The following CUX2 variants were observed in gnomAD, a reference collection of about 807,000 sequenced individuals.
CUX2 encodes the protein homeobox protein cut-like 2.
A neutral mutation model predicts 144.8 loss-of-function variants in CUX2; 40 were observed. The ratio of observed to expected loss-of-function variants is 0.28; its 90% CI spans 0.21 to 0.36. The LOEUF (loss-of-function observed/expected upper bound fraction) is 0.36. CUX2 is among the 10% of genes least tolerant of loss of function. The pLI, the probability that CUX2 is intolerant of heterozygous loss-of-function variation, is 1.00. For synonymous variants in CUX2, 827 were observed against 875.6 expected (o/e 0.94, Z 0.98); for missense variants, 1,615 against 1,994.0 (o/e 0.81, Z 3.62).
chr12:111,315,877 A>G (rs1228821471), intron 16 of CUX2, among the ~76,000 whole-genome samples: 1 of 152,180 alleles, frequency 6.6e-6, no homozygotes, highest in African/African-American at 2.4e-5. Context: ...AAGAAAAAAA[A>G]CACTCATGTT....
At chr12:111,114,184 C>G (rs1023096866) in intron 1 of CUX2, among the ~76,000 whole-genome samples, 1 of 152,124 alleles carries the variant, frequency 6.6e-6, no homozygotes, top group Non-Finnish European at 1.5e-5. Flanking sequence ...AGTGGCTGTA[C>G]CATTTTGCAT....
In CUX2 at chr12:111,322,417, G is replaced by T; in HGVS notation, c.2767-4G>T. ...GACCTACCCCCCTGGCCCGCCCCTC[G>T]CAGGTGCTGGGCCTGTCACAGGGCA... is the stretch of plus-strand genomic sequence containing the variant. On this transcript the variant is annotated splice_region_variant and splice_polypyrimidine_tract_variant and intron_variant, in intron 17 of 21. Transcript: ENST00000261726. This position sits in a 1 kb window ranked among gnomAD's most constrained non-coding sequence, Gnocchi z 4.2. The T allele has an allele frequency of 6.5e-7, 1 of 1,541,432 alleles. No homozygotes were observed. Among genetic ancestry groups the T allele is most frequent in the Non-Finnish European group, 8.8e-7 (1 of 1,141,560 alleles).
chr12:111,162,875 A>G (rs1877870754), intron 1 of CUX2, among the ~76,000 whole-genome samples: 1 of 151,990 alleles, frequency 6.6e-6, no homozygotes, highest in Non-Finnish European at 1.5e-5. Context: ...GTGAAACCCC[A>G]TCTCTAATAA....
At chr12:111,282,625 TAAAAAAAAA>T (rs3061123) in intron 4 of CUX2, among the ~76,000 whole-genome samples, 3 of 105,038 alleles carry the variant, frequency 2.9e-5, no homozygotes, top group African/African-American at 6.6e-5. Context: ...AAACTCCATC[TAAAAAAAAA>T]AAAAAAAAAA....
At chr12:111,347,481 A>G in intron 21 of CUX2, 43 bp from the exon 22 acceptor site, 1 of 1,522,894 alleles carries the variant, frequency 6.6e-7, no homozygotes, top group South Asian at 1.3e-5. Context: ...AGGGTTTGGG[A>G]GTCCCCTGTC....
chr12:111,265,162 A>G lies in CUX2; in HGVS notation c.301+1323A>G, dbSNP rs61944361. Among the ~76,000 whole-genome samples, 1,489 of 152,178 alleles carry G rather than the reference A, an allele frequency of 9.8e-3. 49 individuals carry two copies. Among genetic ancestry groups the G allele is most frequent in the Non-Finnish European group, 6.4e-3 (434 of 67,996 alleles). ...GGTTTCAAACACTTGAAGGGGGCCA[A>G]GAGTTCCTGGGAGGGGCCTCTGGGT... On this transcript the variant is annotated intron_variant, in intron 4 of 21. Transcript: ENST00000261726.
intron 4 of CUX2, among the ~76,000 whole-genome samples, chr12:111,281,084 C>T (rs1885097021): frequency 6.6e-6 from 1 of 152,186 alleles, no homozygotes; most frequent in Non-Finnish European, 1.5e-5. Flanking sequence ...CCACTTTTCA[C>T]AGAGCAGCCA....
In CUX2 at chr12:111,255,501, T is replaced by G. The variant is rs1883774567; in HGVS notation, c.223-8260T>G. ...CCCGTCCCCCACCTACCTGCCGGCC[T>G]GGCTCCTCCAGCTCTTTTGGTTATT... On this transcript the variant is annotated intron_variant, in intron 3 of 21. Coordinates refer to ENST00000261726, the MANE Select transcript of CUX2 (RefSeq NM_015267.4). This position sits in a 1 kb window ranked among gnomAD's most constrained non-coding sequence, Gnocchi z 4.1. Among the ~76,000 whole-genome samples, 1 of 152,152 alleles carries G rather than the reference T, an allele frequency of 6.6e-6. No individual in the cohort carries two copies. Among genetic ancestry groups the G allele is most frequent in the Non-Finnish European group, 1.5e-5 (1 of 68,014 alleles).
intron 1 of CUX2, among the ~76,000 whole-genome samples, chr12:111,130,410 A>T (rs1262580392): frequency 2.0e-5 from 3 of 152,202 alleles, no homozygotes; most frequent in Non-Finnish European, 2.9e-5. Context: ...GTGTGATTAC[A>T]CTATTCTGAC....
chr12:111,331,954 C>T (rs989930780), intron 18 of CUX2, among the ~76,000 whole-genome samples: 12 of 151,820 alleles, frequency 7.9e-5, no homozygotes, highest in Admixed American at 2.6e-4. Context: ...GTGGCAAACG[C>T]TTGTAATCCC....
chr12:111,090,764 G>A (rs753264439), intron 1 of CUX2, among the ~76,000 whole-genome samples: 3 of 151,806 alleles, frequency 2.0e-5, no homozygotes, highest in Non-Finnish European at 4.4e-5. Flanking sequence ...CATTTTGTCC[G>A]GTGGTTTTTC....
intron 1 of CUX2, among the ~76,000 whole-genome samples, chr12:111,194,640 C>A (rs1302384036): frequency 1.3e-4 from 20 of 152,354 alleles, no homozygotes; most frequent in African/African-American, 4.3e-4. Context: ...CCCACCCAGT[C>A]ATTCCAGGGC....
intron 1 of CUX2, among the ~76,000 whole-genome samples, chr12:111,184,252 C>T (rs1011180694): frequency 6.6e-6 from 1 of 152,008 alleles, no homozygotes; most frequent in African/African-American, 2.4e-5. Flanking sequence ...GTTGGTGTGG[C>T]ATTAATAGTA....
chr12:111,314,639 TAAAAAAAAA>T (rs954472479), intron 16 of CUX2, among the ~76,000 whole-genome samples: 13 of 23,234 alleles, frequency 5.6e-4, no homozygotes, highest in South Asian at 1.8e-3. Flanking sequence ...AAACTCAGTC[TAAAAAAAAA>T]AAAAAAAAAA....
intron 4 of CUX2, among the ~76,000 whole-genome samples, chr12:111,272,285 T>C (rs569529986): frequency 3.3e-5 from 5 of 152,144 alleles, no homozygotes; most frequent in Non-Finnish European, 7.4e-5. Flanking sequence ...GAAAGTGTTG[T>C]CTGTGCTAAC....
intron 3 of CUX2, among the ~76,000 whole-genome samples, chr12:111,221,813 C>G (rs751259129): frequency 6.6e-6 from 1 of 151,542 alleles, no homozygotes; most frequent in Non-Finnish European, 1.5e-5. Flanking sequence ...TGTGTGTGTG[C>G]GTGCCGGTGG....
At chr12:111,317,297 A>C (rs1887245925) in intron 16 of CUX2, among the ~76,000 whole-genome samples, 1 of 152,128 alleles carries the variant, frequency 6.6e-6, no homozygotes, top group African/African-American at 2.4e-5. Flanking sequence ...GTTAATTGTC[A>C]TTCCTCAGGG....
At chr12:111,306,253 C>G (rs573208800) in intron 10 of CUX2, among the ~76,000 whole-genome samples, 1 of 151,904 alleles carries the variant, frequency 6.6e-6, no homozygotes, top group Non-Finnish European at 1.5e-5. Flanking sequence ...TAATGGCATC[C>G]GCTTCCTGTT....
At chr12:111,274,494 C>A (rs932527163) in intron 4 of CUX2, among the ~76,000 whole-genome samples, 1 of 152,120 alleles carries the variant, frequency 6.6e-6, no homozygotes, top group Non-Finnish European at 1.5e-5. Context: ...ATTATTATTA[C>A]CATCAGCACC....
Sources: allele counts gnomAD v4.1 joint callset (sites outside exome capture counted in the v4.1 genomes callset), GRCh38; gene constraint gnomAD v4.1.1; non-coding constraint Gnocchi (gnomAD v3.1); transcripts MANE v1.5; gene names NCBI Gene and HGNC (gene_info 2026-07-23, HGNC 2026-07-21).